Variants in ZNF624 observed in about 807,000 individuals in gnomAD.
ZNF624 encodes zinc finger protein 624.
A neutral mutation model predicts 74.7 loss-of-function variants in ZNF624; 43 were observed. That is an observed-to-expected ratio of 0.58 (90% CI 0.45 to 0.74). ZNF624 has a LOEUF of 0.74. ZNF624 is among the 30% of genes least tolerant of loss of function. The pLI, the probability that ZNF624 is intolerant of heterozygous loss-of-function variation, is 0.00. For missense variants in ZNF624, 820 were observed against 1,030.0 expected (o/e 0.80, Z 2.79); for synonymous variants, 331 against 341.3 (o/e 0.97, Z 0.33).
Position 16,624,013 on chromosome 17 carries a change from G to A in ZNF624, c.873C>T (p.Leu291=), listed in dbSNP as rs989507897. ...CEKAFHYRSL[L]IQHQRTHTKE... is the part of the protein sequence containing the mutation. ...TAGTATGAGTTCTTTGATGTTGAATGAGCAATGATCTATAATGAAAGGCCT... is the reference window on the plus strand; with the variant it reads ...TAGTATGAGTTCTTTGATGTTGAATAAGCAATGATCTATAATGAAAGGCCT... The change falls in exon 6 of 6, where the codon CTC becomes CTT. Residue 291 remains leucine (L), a synonymous_variant. Transcript: ENST00000311331. 2 of 1,613,594 alleles carry A rather than the reference G, an allele frequency of 1.2e-6. No homozygotes were observed. Among genetic ancestry groups the A allele is most frequent in the African/African-American group, 1.3e-5 (1 of 74,966 alleles).
Position 16,621,574 on chromosome 17 carries a change from C to A in ZNF624, c.*714G>T, listed in dbSNP as rs1336532090. On this transcript the variant is annotated 3_prime_UTR_variant, in exon 6 of 6. Coordinates refer to ENST00000311331, the MANE Select transcript of ZNF624 (RefSeq NM_020787.4). ...AAAGATCTCTTAATTTTTGCCAGAT[C>A]CATGAAGGGGAAGTTTCATCTCACT... is the stretch of plus-strand genomic sequence containing the variant. The A allele has an allele frequency of 6.6e-6, 1 of 152,194 alleles. No individual in the cohort carries two copies. The highest frequency in any genetic ancestry group is 1.9e-4 in the East Asian group (1 of 5,202). The allele number at this position is 152,194 out of a possible 1,614,324, so 9.4% of individuals were successfully genotyped here. A position where few individuals can be genotyped will look rare whatever the true frequency, so the allele number is the denominator to read the frequency against.
intron 5 of ZNF624, among the ~76,000 whole-genome samples, chr17:16,625,383 T>C (rs974043784): frequency 2.6e-5 from 4 of 152,144 alleles, no homozygotes; most frequent in African/African-American, 9.7e-5. Context: ...GGTTTCGCCA[T>C]GTTGGCCAGG....
chr17:16,620,052 T>A (rs539623722), downstream of ZNF624, among the ~76,000 whole-genome samples: 3 of 152,388 alleles, frequency 2.0e-5, no homozygotes, highest in East Asian at 5.8e-4. Flanking sequence ...GTCAAATTGT[T>A]CATTTATGAT....
chr17:16,627,931 C>T (rs1569042527), intron 5 of ZNF624, among the ~76,000 whole-genome samples: 1 of 152,102 alleles, frequency 6.6e-6, no homozygotes, highest in African/African-American at 2.4e-5. Context: ...TTTTCATAGT[C>T]AATGCCTGAT....
At chr17:16,625,343 G>A (rs139304899) in intron 5 of ZNF624, among the ~76,000 whole-genome samples, 10 of 152,108 alleles carry the variant, frequency 6.6e-5, no homozygotes, top group South Asian at 4.1e-4. Flanking sequence ...CACCACGCCC[G>A]GCTCATTTTT....
At position 16,641,044 on chromosome 17, in the gene ZNF624, C is replaced by CA. The variant is rs537656475; in HGVS notation, c.153+6284dup. Among the ~76,000 whole-genome samples, 14 of 152,136 alleles carry CA rather than the reference C, an allele frequency of 9.2e-5. No individual in the cohort carries two copies. The East Asian group carries it at 2.1e-3, about 23-fold the overall frequency. On this transcript the variant is annotated intron_variant, in intron 3 of 5. Coordinates refer to ENST00000311331, the MANE Select transcript of ZNF624 (RefSeq NM_020787.4). ...TAGGAATACAAGGTTTATGTAATATCAAAAAAATCAATCAATAGAACAAAG... is the reference window on the plus strand; with the variant it reads ...TAGGAATACAAGGTTTATGTAATATCAAAAAAAATCAATCAATAGAACAAAG...
intron 1 of ZNF624, among the ~76,000 whole-genome samples, chr17:16,650,636 A>C (rs1304489337): frequency 2.0e-5 from 3 of 152,272 alleles, no homozygotes; most frequent in East Asian, 3.9e-4. Flanking sequence ...TGGTTCAAGA[A>C]CCAGGAGTGC....
intron 5 of ZNF624, among the ~76,000 whole-genome samples, chr17:16,628,673 T>A (rs1263448346): frequency 1.3e-5 from 2 of 151,770 alleles, no homozygotes; most frequent in African/African-American, 2.4e-5. Context: ...AAAAGGTCTA[T>A]CACAGATGTA....
At chr17:16,617,911 G>C (rs1386074936), downstream of ZNF624, 5 of 1,437,848 alleles carry the variant, frequency 3.5e-6, no homozygotes, top group Non-Finnish European at 3.8e-6. Flanking sequence ...CCAAGGGCTG[G>C]TTGTGGAACG....
At chr17:16,618,306 T>C (rs1174836217), downstream of ZNF624, among the ~76,000 whole-genome samples, 1 of 152,114 alleles carries the variant, frequency 6.6e-6, no homozygotes, top group Non-Finnish European at 1.5e-5. Context: ...AAAGCAAGGA[T>C]CCAACTCAAA....
intron 5 of ZNF624, among the ~76,000 whole-genome samples, chr17:16,630,131 T>TACTTCTCCACTTC (rs1909171314): frequency 2.0e-5 from 3 of 152,216 alleles, no homozygotes; most frequent in Admixed American, 2.0e-4. Flanking sequence ...TCTCCACAGA[T>TACTTCTCCACTTC]TGTACATAAG....
downstream of ZNF624, among the ~76,000 whole-genome samples, chr17:16,616,281 C>T (rs147297867): frequency 2.5e-3 from 382 of 151,934 alleles, 2 homozygotes; most frequent in Non-Finnish European, 4.0e-3. Context: ...CTTGTTTACA[C>T]TAAAGTAGAA....
At position 16,628,271 on chromosome 17, in the gene ZNF624, G is replaced by A. The variant is rs376795737; in HGVS notation, c.377-3762C>T. 3.2e-4 allele frequency among the ~76,000 whole-genome samples: 49 copies of A among 150,946 alleles called. No homozygotes were observed. The East Asian group carries it at 7.2e-3, about 22-fold the overall frequency. On this transcript the variant is annotated intron_variant, in intron 5 of 5. Coordinates refer to ENST00000311331, the MANE Select transcript of ZNF624 (RefSeq NM_020787.4). ...GAGCGAGACTCTGTCTGCCTCCCCC[G>A]ACCCCAAAAAAAAGGGAGACAAAAA...
In ZNF624 at chr17:16,623,295, T is replaced by C. The variant is rs1476831345; in HGVS notation, c.1591A>G (p.Asn531Asp). 1.2e-6 allele frequency: 2 copies of C among 1,613,946 alleles called. No homozygotes were observed. The highest frequency in any genetic ancestry group is 1.7e-6 in the Non-Finnish European group (2 of 1,179,842). ...TTAATGAATGCTTTCCCACATTCAT[T>C]ACATTTATAGGGTTTTTCTCCTGTG... ...IHTGEKPYKC[N>D]ECGKAFINYS... is the part of the protein sequence containing the mutation. Residue 531 changes from asparagine to aspartate, a missense_variant, in exon 6 of 6, where the codon AAT becomes GAT. Transcript: ENST00000311331. This position sits in a 1 kb window ranked among gnomAD's most constrained non-coding sequence, Gnocchi z 5.3.
At chr17:16,635,875 A>G (rs1459019491) in intron 3 of ZNF624, among the ~76,000 whole-genome samples, 2 of 145,360 alleles carry the variant, frequency 1.4e-5, no homozygotes, top group Non-Finnish European at 3.0e-5. Flanking sequence ...GAAGCATTTT[A>G]AGAGAAAAAA....
rs1909790086 is a variant in ZNF624 at position 16,653,810 on chromosome 17, G to A, written c.-49C>T. On this transcript the variant is annotated 5_prime_UTR_variant, in exon 1 of 6. Transcript: ENST00000311331. The stretch of plus-strand genomic sequence containing the variant: ...ACTGAGGGAACTCGCAGAGCAGGGC[G>A]GGAACGCTTCCAGCAATGGCGGCGG... The A allele has an allele frequency of 6.5e-6, 1 of 152,814 alleles. No individual in the cohort carries two copies. Among genetic ancestry groups the A allele is most frequent in the Admixed American group, 6.5e-5 (1 of 15,292 alleles). 9.5% of individuals were successfully genotyped at this position (152,814 alleles called of 1,614,324 possible). A position where few individuals can be genotyped will look rare whatever the true frequency, so the allele number is the denominator to read the frequency against.
chr17:16,651,964 T>G (rs1227348865), intron 1 of ZNF624, among the ~76,000 whole-genome samples: 1 of 152,142 alleles, frequency 6.6e-6, no homozygotes, highest in Non-Finnish European at 1.5e-5. Flanking sequence ...ATGTTTTAGT[T>G]TTAGTGTAAT....
downstream of ZNF624, chr17:16,617,865 A>G (rs763493688): frequency 6.2e-6 from 10 of 1,606,796 alleles, no homozygotes; most frequent in African/African-American, 4.0e-5. Flanking sequence ...TAGGCGTCCT[A>G]TGTAGACGCG....
At position 16,623,084 on chromosome 17, in the gene ZNF624, ACAGTT is replaced by A. The variant is rs758954726; in HGVS notation, c.1797_1801del (p.Leu599PhefsTer13). ...CTCTCCAGTGTGAATTCTCTGATGT[ACAGTT>A]AAGTGTGATTTTATTCTGAAAGACT... On this transcript the variant is annotated frameshift_variant, in exon 6 of 6. Transcript: ENST00000311331. LOFTEE classifies it high-confidence loss of function. This position sits in a 1 kb window ranked among gnomAD's most constrained non-coding sequence, Gnocchi z 5.3. 6.2e-7 allele frequency: 1 copy of A among 1,614,022 alleles called. No homozygotes were observed. The highest frequency in any genetic ancestry group is 8.5e-7 in the Non-Finnish European group (1 of 1,179,956).
Sources: gnomAD v4.1 joint callset for allele counts (sites outside exome capture counted in the v4.1 genomes callset) on GRCh38, gnomAD v4.1.1 for gene constraint, Gnocchi (gnomAD v3.1) non-coding constraint, MANE v1.5 for transcripts, NCBI Gene and HGNC (gene_info 2026-07-23, HGNC 2026-07-21) for gene names.